The following GRIP2 variants were observed in gnomAD, a reference collection of about 807,000 sequenced individuals.
GRIP2 encodes the protein glutamate receptor-interacting protein 2.
GRIP2 carries 58 observed loss-of-function variants against 108.3 expected under a neutral mutation model. That is an observed-to-expected ratio of 0.54 (90% CI 0.43 to 0.67). The LOEUF is 0.67. GRIP2 is among the 30% of genes least tolerant of loss of function. The pLI, the probability that GRIP2 is intolerant of heterozygous loss-of-function variation, is 0.00. For synonymous variants in GRIP2, 586 were observed against 598.2 expected (o/e 0.98, Z 0.30); for missense variants, 1,278 against 1,430.6 (o/e 0.89, Z 1.72).
the GRIP2 span, among the ~76,000 whole-genome samples, chr3:14,586,589 T>A: frequency 4.6e-5 from 7 of 151,972 alleles, no homozygotes; most frequent in East Asian, 1.2e-3. Context: ...CCTCATGGAA[T>A]GTAGAGAGGG....
chr3:14,552,160 C>T (rs770459407), intron 1 of GRIP2, among the ~76,000 whole-genome samples: 10 of 152,156 alleles, frequency 6.6e-5, no homozygotes, highest in African/African-American at 9.7e-5. Flanking sequence ...TCAGGAGTGG[C>T]GCACTGGAGA....
chr3:14,498,367 GTGGGAGGATCAGCTGAGCC>G (rs1693673580), intron 21 of GRIP2, among the ~76,000 whole-genome samples: 2 of 152,174 alleles, frequency 1.3e-5, no homozygotes, highest in Non-Finnish European at 2.9e-5. Context: ...GGAGGCTGAG[GTGGGAGGATCAGCTGAGCC>G]TGGGAGGTGA....
At chr3:14,547,765 G>A (rs1695079720) in intron 1 of GRIP2, among the ~76,000 whole-genome samples, 1 of 152,108 alleles carries the variant, frequency 6.6e-6, no homozygotes. Flanking sequence ...GCAAAACATG[G>A]AAATAAATGG....
At chr3:14,545,339 G>T (rs1358452881), upstream of GRIP2, among the ~76,000 whole-genome samples, 2 of 152,252 alleles carry the variant, frequency 1.3e-5, no homozygotes, top group Admixed American at 6.5e-5. Context: ...TTGAACCCAG[G>T]CCTGCCTGAC....
At chr3:14,546,936 C>A (rs1419192336), upstream of GRIP2, among the ~76,000 whole-genome samples, 2 of 152,108 alleles carry the variant, frequency 1.3e-5, no homozygotes, top group Admixed American at 1.3e-4. Context: ...CACCTGTGTC[C>A]CAGTACCCTC....
intron 1 of GRIP2, among the ~76,000 whole-genome samples, chr3:14,527,830 A>G (rs1475264017): frequency 6.6e-6 from 1 of 152,196 alleles, no homozygotes; most frequent in African/African-American, 2.4e-5. Flanking sequence ...CAGGAGGCGG[A>G]GGTTGCAGTG....
intron 10 of GRIP2, among the ~76,000 whole-genome samples, chr3:14,517,421 G>A (rs1383200316): frequency 1.3e-5 from 2 of 148,608 alleles, no homozygotes; most frequent in African/African-American, 5.0e-5. Context: ...GTGAAACTCA[G>A]CTATTAGGGA....
At chr3:14,529,278 C>CA (rs78828207) in intron 1 of GRIP2, among the ~76,000 whole-genome samples, 3,659 of 109,660 alleles carry the variant, frequency 0.033, 120 homozygotes, top group African/African-American at 0.085. Flanking sequence ...GACTCCGTCT[C>CA]AAAAAAAAAA....
At chr3:14,495,208 T>TACG (rs1693555650) in intron 22 of GRIP2, among the ~76,000 whole-genome samples, 2 of 151,052 alleles carry the variant, frequency 1.3e-5, no homozygotes. Flanking sequence ...AACACTCAAG[T>TACG]ACGACGGAGC....
chr3:14,581,535 A>G, the GRIP2 span, among the ~76,000 whole-genome samples: 1 of 152,256 alleles, frequency 6.6e-6, no homozygotes, highest in Admixed American at 6.5e-5. Flanking sequence ...GCTGAGGGAC[A>G]AGCACGTGAC....
chr3:14,590,630 C>T, the GRIP2 span, among the ~76,000 whole-genome samples: 1 of 152,230 alleles, frequency 6.6e-6, no homozygotes, highest in African/African-American at 2.4e-5. Flanking sequence ...ACTTGCTTCT[C>T]TCCCTCTAAT....
intron 1 of GRIP2, among the ~76,000 whole-genome samples, chr3:14,551,214 C>T (rs1317509224): frequency 6.6e-6 from 1 of 152,178 alleles, no homozygotes; most frequent in Non-Finnish European, 1.5e-5. Flanking sequence ...GGAGACAGGG[C>T]TGGGAGCCTT....
chr3:14,535,581 A>C (rs1438595862), intron 1 of GRIP2, among the ~76,000 whole-genome samples: 1 of 152,210 alleles, frequency 6.6e-6, no homozygotes, highest in East Asian at 1.9e-4. Context: ...TATAATCATG[A>C]TTCTCATTTT....
chr3:14,580,174 G>A, the GRIP2 span, among the ~76,000 whole-genome samples: 1 of 152,188 alleles, frequency 6.6e-6, no homozygotes, highest in African/African-American at 2.4e-5. Flanking sequence ...CAGGTGCTAA[G>A]CCAACACTCA....
At chr3:14,600,303 T>G in the GRIP2 span, among the ~76,000 whole-genome samples, 1 of 152,196 alleles carries the variant, frequency 6.6e-6, no homozygotes, top group Admixed American at 6.5e-5. Flanking sequence ...AAGCACCTAT[T>G]ACGTGCTGGT....
chr3:14,507,733 T>G lies in GRIP2; in HGVS notation c.2079-33A>C. The stretch of plus-strand genomic sequence containing the variant: ...GTGGATGCAGGGCAGAGAATGGGAG[T>G]TAGACACTCAGGGCCTCAGAGTGGC... On this transcript the variant is annotated intron_variant, in intron 17 of 23. Coordinates refer to ENST00000621039, the MANE Select transcript of GRIP2 (RefSeq NM_001080423.4). This position sits in a 1 kb window ranked among gnomAD's most constrained non-coding sequence, Gnocchi z 4.6. 6.3e-7 allele frequency: 1 copy of G among 1,599,992 alleles called. No homozygotes were observed. The highest frequency in any genetic ancestry group is 8.6e-7 in the Non-Finnish European group (1 of 1,168,306).
At chr3:14,574,142 A>G in the GRIP2 span, 3 of 937,826 alleles carry the variant, frequency 3.2e-6, no homozygotes, top group East Asian at 2.4e-5. Flanking sequence ...GCACGATGCC[A>G]TAGATGCACA....
chr3:14,555,875 G>A (rs1266950821), intron 1 of GRIP2: 6 of 398,952 alleles, frequency 1.5e-5, no homozygotes, highest in Middle Eastern at 6.2e-4. Flanking sequence ...TGGGCCCCTC[G>A]CCCTCCACCC....
At position 14,520,291 on chromosome 3, in the gene GRIP2, G is replaced by A. The variant is rs764240125; in HGVS notation, c.861-12C>T. The A allele has an allele frequency of 3.1e-6, 5 of 1,612,538 alleles. No individual in the cohort carries two copies. The highest frequency in any genetic ancestry group is 3.4e-6 in the Non-Finnish European group (4 of 1,178,908). ...GCAGGGCTCCGCTCCTGGCCAGGCA[G>A]GGGAGTGAAGGCGGAGGCTGGTCCA... On this transcript the variant is annotated splice_polypyrimidine_tract_variant and intron_variant, in intron 8 of 23. Transcript: ENST00000621039.
Sources: gnomAD v4.1 joint callset for allele counts (sites outside exome capture counted in the v4.1 genomes callset) on GRCh38, gnomAD v4.1.1 for gene constraint, Gnocchi (gnomAD v3.1) non-coding constraint, MANE v1.5 for transcripts, NCBI Gene and HGNC (gene_info 2026-07-23, HGNC 2026-07-21) for gene names.